CNOT1: variants seen among roughly 807,000 people sequenced by gnomAD.
CNOT1 encodes the protein CCR4-NOT transcription complex subunit 1.
A neutral mutation model predicts 273.8 loss-of-function variants in CNOT1; 15 were observed. That is an observed-to-expected ratio of 0.05 (90% confidence interval 0.04 to 0.08). The LOEUF is 0.08. Ranked by LOEUF, CNOT1 falls within the 10% of genes least tolerant of loss-of-function variation. The pLI, the probability that CNOT1 is intolerant of heterozygous loss-of-function variation, is 1.00. For missense variants in CNOT1, 1,644 were observed against 2,912.2 expected (o/e 0.56, Z 10.02); for synonymous variants, 1,022 against 1,005.5 (o/e 1.02, Z -0.31).
chr16:58,568,137 C>A (rs1050249301), intron 16 of CNOT1, among the ~76,000 whole-genome samples: 10 of 152,084 alleles, frequency 6.6e-5, no homozygotes, highest in Non-Finnish European at 1.5e-4. Context: ...CTTTGGGAGG[C>A]GGGCGAATCA....
At chr16:58,525,072 G>A in intron 46 of CNOT1, 107 bp downstream of exon 46, 1 of 1,025,262 alleles carries the variant, frequency 9.8e-7, no homozygotes, top group South Asian at 1.4e-5. Context: ...TATACTGACA[G>A]AACATTCCTT....
chr16:58,574,524 T>C, intron 16 of CNOT1, 85 bp downstream of exon 16: 3 of 1,353,138 alleles, frequency 2.2e-6, no homozygotes, highest in Non-Finnish European at 2.0e-6. Context: ...TGCTGTCACT[T>C]TCACTGAACC....
At chr16:58,542,977 C>T (rs866608964) in intron 31 of CNOT1, among the ~76,000 whole-genome samples, 10 of 152,186 alleles carry the variant, frequency 6.6e-5, no homozygotes, top group South Asian at 2.1e-4. Flanking sequence ...CCTGTAATCC[C>T]AGCTACTTGG....
intron 30 of CNOT1, 90 bp downstream of exon 30, chr16:58,545,271 G>C (rs1019220217): frequency 1.3e-6 from 2 of 1,553,848 alleles, no homozygotes; most frequent in Non-Finnish European, 1.7e-6. Flanking sequence ...GAATCCAGAG[G>C]GAAGGGCAAA....
At chr16:58,553,736 C>T in intron 22 of CNOT1, 46 bp downstream of exon 22, 1 of 1,573,860 alleles carries the variant, frequency 6.4e-7, no homozygotes, top group Non-Finnish European at 8.6e-7. Flanking sequence ...TTAAACCCTC[C>T]AAATACTACA....
chr16:58,555,550 G>A lies in CNOT1; in HGVS notation c.2605-13C>T, dbSNP rs2040600868. The A allele has an allele frequency of 6.2e-7, 1 of 1,607,630 alleles. No homozygotes were observed. The highest frequency in any genetic ancestry group is 8.5e-7 in the Non-Finnish European group (1 of 1,177,990). ...GCATTTCTAATACCTGGAAAAGCAAGACAAAAACAACGCACACATAAAGGA... is the reference window on the plus strand; with the variant it reads ...GCATTTCTAATACCTGGAAAAGCAAAACAAAAACAACGCACACATAAAGGA... On this transcript the variant is annotated splice_polypyrimidine_tract_variant and intron_variant, in intron 20 of 48. Transcript: ENST00000317147.
At chr16:58,530,757 C>T (rs2039753712) in intron 42 of CNOT1, 1 of 151,242 alleles carries the variant, frequency 6.6e-6, no homozygotes, top group African/African-American at 2.5e-5. Context: ...GCACTCCAGC[C>T]TGGACAACAA....
chr16:58,531,578 C>T (rs377489294), intron 42 of CNOT1, among the ~76,000 whole-genome samples: 1 of 152,104 alleles, frequency 6.6e-6, no homozygotes, highest in Admixed American at 6.6e-5. Flanking sequence ...TGAGGGCACA[C>T]ATGGATTTCA....
intron 1 of CNOT1, among the ~76,000 whole-genome samples, chr16:58,603,454 TGTGTGTG>T (rs2042554756): frequency 6.5e-5 from 9 of 137,656 alleles, no homozygotes; most frequent in Non-Finnish European, 1.4e-4. Flanking sequence ...TGTGTGTGTG[TGTGTGTG>T]TCTAAAACTC....
rs150710521 is a variant in CNOT1 at position 58,592,798 on chromosome 16, A to AC, written c.103-3893dup. Among the ~76,000 whole-genome samples, 1,452 of 152,328 alleles carry AC rather than the reference A, an allele frequency of 9.5e-3. 21 individuals carry two copies. The highest frequency in any genetic ancestry group is 0.033 in the African/African-American group (1,371 of 41,566). On this transcript the variant is annotated intron_variant, in intron 2 of 48. Transcript: ENST00000317147. The stretch of plus-strand genomic sequence containing the variant: ...AAAAAAGTTGTCCATTTAGAGACCC[A>AC]CATCAGCCCACAGAAATAGCAGAAT...
intron 43 of CNOT1, among the ~76,000 whole-genome samples, chr16:58,529,834 C>G (rs1450399212): frequency 1.1e-5 from 1 of 94,454 alleles, no homozygotes; most frequent in African/African-American, 4.3e-5. Context: ...GAGTGAGACT[C>G]TGTCTCAAAA....
rs1455503130 is a variant in CNOT1 at position 58,542,321 on chromosome 16, T to C, written c.4590A>G (p.Arg1530=). Residue 1530 remains arginine, a synonymous_variant, in exon 33 of 49, where the codon AGA becomes AGG. Transcript: ENST00000317147. ...DKRLATEFEL[R]KHARQEGRRY... Reference sequence around the variant, plus strand: ...TGCGTCCTTCTTGCCTAGCATGTTTTCTCAGCTCAAATTCCTGCAAACAAA... The same window carrying C: ...TGCGTCCTTCTTGCCTAGCATGTTTCCTCAGCTCAAATTCCTGCAAACAAA... The C allele has an allele frequency of 6.8e-6, 11 of 1,614,160 alleles. No homozygotes were observed. Among genetic ancestry groups the C allele is most frequent in the Non-Finnish European group, 9.3e-6 (11 of 1,180,022 alleles).
intron 1 of CNOT1, chr16:58,623,165 G>C (rs1411694343): frequency 2.7e-5 from 4 of 150,246 alleles, no homozygotes. Context: ...GCTCCAGCCT[G>C]GGGGATACAG....
chr16:58,547,258 A>G lies in CNOT1; in HGVS notation c.3678T>C (p.Val1226=), dbSNP rs763574288. ...CATAGAGCAATTCTTGTTGTCCTTT[A>G]ACATAAGCCTCTAGCAGCAATGATT... ...DVKSLLLEAY[V]KGQQELLYVV... Residue 1226 remains valine, a synonymous_variant, in exon 27 of 49, where the codon GTT becomes GTC. Transcript: ENST00000317147. The surrounding 1 kb of genome is among the most constrained non-coding windows in gnomAD (Gnocchi z 4.0). The G allele has an allele frequency of 6.2e-7, 1 of 1,613,960 alleles. No homozygotes were observed. The highest frequency in any genetic ancestry group is 8.5e-7 in the Non-Finnish European group (1 of 1,179,884).
chr16:58,600,740 T>G (rs1160629424), intron 1 of CNOT1, among the ~76,000 whole-genome samples: 3 of 152,206 alleles, frequency 2.0e-5, no homozygotes, highest in African/African-American at 7.2e-5. Context: ...ACAGCTAAAA[T>G]GACAGGATTA....
At position 58,587,767 on chromosome 16, in the gene CNOT1, T is replaced by C. The variant is rs186546272; in HGVS notation, c.309+13A>G. 26 of 1,612,144 alleles carry C rather than the reference T, an allele frequency of 1.6e-5. No homozygotes were observed. In the Admixed American group the frequency reaches 3.3e-4, roughly 21 times the overall value. ...GGAGAGATCACACTCTTAAAGATAATAGTAATACCAACCTTCTGATAGTGC... is the reference window on the plus strand; with the variant it reads ...GGAGAGATCACACTCTTAAAGATAACAGTAATACCAACCTTCTGATAGTGC... On this transcript the variant is annotated intron_variant, in intron 4 of 48. Coordinates refer to ENST00000317147, the MANE Select transcript of CNOT1 (RefSeq NM_016284.5).
intron 2 of CNOT1, among the ~76,000 whole-genome samples, chr16:58,591,683 G>A (rs1245691169): frequency 3.9e-5 from 6 of 151,932 alleles, no homozygotes; most frequent in Non-Finnish European, 8.8e-5. Context: ...GAACCCAGGA[G>A]GCAGAGGTTG....
chr16:58,595,024 G>A (rs2042202591), intron 2 of CNOT1, among the ~76,000 whole-genome samples: 1 of 150,928 alleles, frequency 6.6e-6, no homozygotes, highest in South Asian at 2.1e-4. Context: ...CTGAGGCAGA[G>A]AACTGCTTGA....
At chr16:58,626,052 T>C (rs1239634418) in intron 1 of CNOT1, among the ~76,000 whole-genome samples, 1 of 152,118 alleles carries the variant, frequency 6.6e-6, no homozygotes, top group Admixed American at 6.6e-5. Flanking sequence ...GGTCAGAGGG[T>C]CATTAAAGAA....
Sources: gnomAD v4.1 joint callset for allele counts (sites outside exome capture counted in the v4.1 genomes callset) on GRCh38, gnomAD v4.1.1 for gene constraint, Gnocchi (gnomAD v3.1) non-coding constraint, MANE v1.5 for transcripts, NCBI Gene and HGNC (gene_info 2026-07-23, HGNC 2026-07-21) for gene names.